Variants in FMN1 observed in about 807,000 individuals in gnomAD.
FMN1 encodes the protein formin 1, also known as formin-1.
FMN1 carries 110 observed loss-of-function variants against 132.4 expected under a neutral mutation model. The ratio of observed to expected loss-of-function variants is 0.83; its 90% CI spans 0.71 to 0.97. The LOEUF (loss-of-function observed/expected upper bound fraction) is 0.97, where lower values mean the gene tolerates loss of function less well. Among genes scored for constraint, FMN1 ranks in the 50% least tolerant of loss-of-function variants. FMN1 has a pLI of 0.00. For synonymous variants in FMN1, 722 were observed against 651.7 expected, an observed-to-expected ratio of 1.11 and a Z score of -1.64; for missense variants, 1,792 against 1,705.3, an observed-to-expected ratio of 1.05 and a Z score of -0.90.
At position 33,154,159 on chromosome 15, in the gene FMN1, G is replaced by C. The variant is rs1293683476; in HGVS notation, c.756C>G (p.Ser252Arg). Residue 252 changes from serine to arginine, a missense_variant, in exon 4 of 21, where the codon AGC becomes AGG. By Grantham distance (110) the Ser-to-Arg change is moderately radical (BLOSUM62 -1). Transcript: ENST00000616417. ...KTPDTDLGFG[S>R]FETAFKDTGL... Reference sequence around the variant, plus strand: ...CAGTGTCCTTGAAAGCCGTCTCAAAGCTCCCAAAGCCAAGGTCTGTGTCTG... The same window carrying C: ...CAGTGTCCTTGAAAGCCGTCTCAAACCTCCCAAAGCCAAGGTCTGTGTCTG... 1.3e-6 allele frequency: 2 copies of C among 1,536,418 alleles called. No individual in the cohort carries two copies. Among genetic ancestry groups the C allele is most frequent in the African/African-American group, 2.7e-5 (2 of 73,140 alleles).
chr15:32,867,421 T>G (rs1487788395), intron 16 of FMN1, among the ~76,000 whole-genome samples: 2 of 152,196 alleles, frequency 1.3e-5, no homozygotes, highest in East Asian at 3.8e-4. Context: ...GGTGTTCTCC[T>G]GCTATGCCAC....
intron 5 of FMN1, chr15:33,066,719 T>C (rs2037745707): frequency 1.9e-6 from 3 of 1,613,678 alleles, no homozygotes; most frequent in Non-Finnish European, 2.5e-6. Context: ...CTCACCACCC[T>C]GGGTTTGTGG....
chr15:33,092,783 G>A (rs1299273066), intron 4 of FMN1, among the ~76,000 whole-genome samples: 1 of 152,186 alleles, frequency 6.6e-6, no homozygotes, highest in Non-Finnish European at 1.5e-5. Flanking sequence ...TAGAAGCACT[G>A]TAATTATTAA....
At chr15:32,779,654 T>A (rs2056600757) in intron 19 of FMN1, among the ~76,000 whole-genome samples, 1 of 152,124 alleles carries the variant, frequency 6.6e-6, no homozygotes. Context: ...TTCAACAGGG[T>A]GATATATGAG....
intron 9 of FMN1, among the ~76,000 whole-genome samples, chr15:32,933,112 C>A (rs1200413645): frequency 6.6e-6 from 1 of 152,030 alleles, no homozygotes; most frequent in Admixed American, 6.6e-5. Flanking sequence ...CATAGGTGTT[C>A]ACCCTAAAAC....
intron 2 of FMN1, among the ~76,000 whole-genome samples, chr15:33,193,270 C>T (rs1966141195): frequency 6.6e-6 from 1 of 151,958 alleles, no homozygotes; most frequent in Non-Finnish European, 1.5e-5. Context: ...GTTTTCCCTC[C>T]CAAAAAAGGG....
At position 32,870,762 on chromosome 15, in the gene FMN1, G is replaced by A. The variant is rs1276965751; in HGVS notation, c.3836-13655C>T. Reference sequence around the variant, plus strand: ...GGATTGGGCATGATTTGATTTATAGGGTGTTAAGCGATTCAAACATTTATT... The same window carrying A: ...GGATTGGGCATGATTTGATTTATAGAGTGTTAAGCGATTCAAACATTTATT... On this transcript the variant is annotated intron_variant, in intron 16 of 20. Coordinates refer to ENST00000616417, the MANE Select transcript of FMN1 (RefSeq NM_001277313.2). Among the ~76,000 whole-genome samples the A allele has an allele frequency of 3.3e-5, 5 of 152,166 alleles. No homozygotes were observed. In the East Asian group the frequency reaches 7.7e-4, roughly 23 times the overall value.
intron 4 of FMN1, among the ~76,000 whole-genome samples, chr15:33,112,935 T>C (rs1207792644): frequency 6.6e-6 from 1 of 152,154 alleles, no homozygotes; most frequent in Non-Finnish European, 1.5e-5. Context: ...CCTGGTGTAC[T>C]GGGACAAAGG....
chr15:33,159,167 G>A (rs1459523584), intron 3 of FMN1, among the ~76,000 whole-genome samples: 1 of 152,222 alleles, frequency 6.6e-6, no homozygotes, highest in Non-Finnish European at 1.5e-5. Flanking sequence ...GGGTGAAAGA[G>A]TGAGACTCTG....
At chr15:32,961,569 A>G (rs2030556515) in intron 9 of FMN1, among the ~76,000 whole-genome samples, 1 of 152,180 alleles carries the variant, frequency 6.6e-6, no homozygotes, top group South Asian at 2.1e-4. Flanking sequence ...AAAATAAGAA[A>G]AACTAACCAA....
At chr15:33,055,833 C>G (rs1305817598) in intron 6 of FMN1, among the ~76,000 whole-genome samples, 1 of 152,108 alleles carries the variant, frequency 6.6e-6, no homozygotes, top group Non-Finnish European at 1.5e-5. Context: ...AGAAAAAACA[C>G]TTGCAACACA....
intron 16 of FMN1, among the ~76,000 whole-genome samples, chr15:32,887,749 G>A (rs189720251): frequency 2.0e-4 from 31 of 152,284 alleles, no homozygotes; most frequent in African/African-American, 7.5e-4. Flanking sequence ...TTAGAGCTCA[G>A]TAAATCTGTC....
intron 7 of FMN1, among the ~76,000 whole-genome samples, chr15:32,999,712 G>A (rs1263615848): frequency 6.6e-6 from 1 of 152,166 alleles, no homozygotes; most frequent in Non-Finnish European, 1.5e-5. Context: ...TCTTTGTCTT[G>A]CATCCCACAA....
intron 3 of FMN1, among the ~76,000 whole-genome samples, chr15:33,176,316 G>T (rs917199936): frequency 6.6e-6 from 1 of 152,024 alleles, no homozygotes; most frequent in African/African-American, 2.4e-5. Flanking sequence ...GACCAGCCTG[G>T]CCAAGATAGT....
chr15:33,113,570 C>T (rs963449690), intron 4 of FMN1, among the ~76,000 whole-genome samples: 4 of 152,086 alleles, frequency 2.6e-5, no homozygotes, highest in African/African-American at 7.2e-5. Context: ...TCAATACCTG[C>T]GCTCCTACAG....
chr15:32,938,703 C>T (rs150432557), intron 9 of FMN1, among the ~76,000 whole-genome samples: 76 of 152,268 alleles, frequency 5.0e-4, no homozygotes, highest in African/African-American at 1.8e-3. Flanking sequence ...TAGACTTACC[C>T]TGCCAAGTAT....
rs542973434 is a variant in FMN1, at chr15:32,859,098, T to G, written c.3836-1991A>C. On this transcript the variant is annotated intron_variant, in intron 16 of 20. Coordinates refer to ENST00000616417, the MANE Select transcript of FMN1 (RefSeq NM_001277313.2). Reference sequence around the variant, plus strand: ...GCAATGGGTTGCTGGAAGTGCCATTTGCTGAGATAGAGAATAGTGGGGAAG... The same window carrying G: ...GCAATGGGTTGCTGGAAGTGCCATTGGCTGAGATAGAGAATAGTGGGGAAG... Among the ~76,000 whole-genome samples the G allele has an allele frequency of 3.3e-5, 5 of 152,314 alleles. No individual in the cohort carries two copies. In the South Asian group the frequency reaches 1.0e-3, roughly 32 times the overall value.
At chr15:32,827,938 G>C (rs556289744) in intron 17 of FMN1, among the ~76,000 whole-genome samples, 8 of 151,942 alleles carry the variant, frequency 5.3e-5, no homozygotes, top group African/African-American at 1.9e-4. Context: ...AAGTGAAAGA[G>C]GTATGGATAA....
intron 5 of FMN1, among the ~76,000 whole-genome samples, chr15:33,069,991 C>CTTTTTTTTTT (rs1566888327): frequency 1.7e-5 from 1 of 59,554 alleles, no homozygotes; most frequent in African/African-American, 4.9e-5. Flanking sequence ...ATCAGTCTTT[C>CTTTTTTTTTT]TCTTTTTTTT....
Sources: allele counts gnomAD v4.1 joint callset (sites outside exome capture counted in the v4.1 genomes callset), GRCh38; gene constraint gnomAD v4.1.1; transcripts MANE v1.5; gene names NCBI Gene and HGNC (gene_info 2026-07-23, HGNC 2026-07-21).